Variants in CORO7 observed in about 807,000 individuals in gnomAD.
The protein encoded by CORO7 is coronin 7.
A neutral mutation model predicts 126.6 loss-of-function variants in CORO7; 107 were observed. The observed-to-expected ratio is 0.85, with a 90% CI of 0.72 to 0.99. The LOEUF is 0.99. Ranked by LOEUF, CORO7 falls within the 50% of genes least tolerant of loss-of-function variation. CORO7 has a pLI of 0.00. For synonymous variants in CORO7, 603 were observed against 536.8 expected (o/e 1.12, Z -1.70); for missense variants, 1,314 against 1,255.8 (o/e 1.05, Z -0.70).
intron 9 of CORO7, 88 bp downstream of exon 9, chr16:4,387,898 G>A (rs1369803188): frequency 3.3e-6 from 5 of 1,525,544 alleles, no homozygotes; most frequent in East Asian, 2.4e-5. Context: ...AGATCAGCCC[G>A]CCTCACTGAC....
intron 7 of CORO7, 57 bp from the exon 8 acceptor site, chr16:4,388,688 C>T: frequency 6.4e-7 from 1 of 1,557,634 alleles, no homozygotes; most frequent in South Asian, 1.2e-5. Context: ...GGGCGGGGCC[C>T]CCTGGAATGG....
intron 9 of CORO7, chr16:4,380,814 G>C: frequency 6.3e-6 from 9 of 1,420,550 alleles, no homozygotes; most frequent in Non-Finnish European, 7.4e-6. Flanking sequence ...TGGCGTGTCT[G>C]CCTTCTAGGC....
chr16:4,416,161 C>G (rs2056403875), intron 1 of CORO7, among the ~76,000 whole-genome samples: 1 of 152,106 alleles, frequency 6.6e-6, no homozygotes, highest in South Asian at 2.1e-4. Context: ...CCTCGCAGGC[C>G]TGGGCCCCGG....
rs1039091071 is a variant in CORO7, at chr16:4,362,916, C to T, written c.1276-178G>A. 1.1e-5 allele frequency: 8 copies of T among 711,980 alleles called. No individual in the cohort carries two copies. Among genetic ancestry groups the T allele is most frequent in the African/African-American group, 1.8e-5 (1 of 54,404 alleles). The allele number at this position is 711,980 out of a possible 1,614,324, so 44.1% of individuals were successfully genotyped here. On this transcript the variant is annotated intron_variant, in intron 14 of 27. Transcript: ENST00000251166. The surrounding 1 kb of genome is among the most constrained non-coding windows in gnomAD (Gnocchi z 5.3). Reference sequence around the variant, plus strand: ...GCATAAACGCAGACACACAGGGAAGCAGCCGAGCTTCAGACCGCGGGGACA... The same window carrying T: ...GCATAAACGCAGACACACAGGGAAGTAGCCGAGCTTCAGACCGCGGGGACA...
Position 4,360,465 on chromosome 16 carries a change from C to G in CORO7, c.2001G>C (p.Arg667=). ...TCACCTGCAGGGGCTCAGGGCCACT[C>G]CGGGGCCTGTAGACCCGCACACGCC... The part of the protein sequence containing the change: ...KDGRVRVYRP[R]SGPEPLQEGP... Residue 667 remains arginine (R), a synonymous_variant, in exon 20 of 28, where the codon CGG becomes CGC. Coordinates refer to ENST00000251166, the MANE Select transcript of CORO7 (RefSeq NM_024535.5). The G allele has an allele frequency of 6.2e-7, 1 of 1,612,558 alleles. No individual in the cohort carries two copies. The highest frequency in any genetic ancestry group is 8.5e-7 in the Non-Finnish European group (1 of 1,179,742).
chr16:4,388,176 G>T, intron 8 of CORO7, 108 bp from the exon 9 acceptor site: 1 of 1,410,990 alleles, frequency 7.1e-7, no homozygotes, highest in Non-Finnish European at 9.7e-7. Context: ...CGGGGCACCT[G>T]CCCCAGAGCA....
Position 4,412,387 on chromosome 16 carries a change from C to G in CORO7, c.201G>C (p.Lys67Asn), listed in dbSNP as rs1168588433. Residue 67 changes from lysine to asparagine, a missense_variant, in exon 3 of 28, where the codon AAG becomes AAC. Coordinates refer to ENST00000251166, the MANE Select transcript of CORO7 (RefSeq NM_024535.5). ...IVPLQGQGED[K>N]RRVAHLGCHS... ...GGCAGCCCAGGTGGGCCACGCGTCG[C>G]TTGTCCTCTCCTTGGCCTTGCAGAG... 11 of 1,614,120 alleles carry G rather than the reference C, an allele frequency of 6.8e-6. No individual in the cohort carries two copies. In the East Asian group the frequency reaches 8.9e-5, roughly 13 times the overall value.
intron 6 of CORO7, among the ~76,000 whole-genome samples, chr16:4,399,086 C>CA (rs1267025791): frequency 1.3e-5 from 2 of 152,080 alleles, no homozygotes; most frequent in Admixed American, 6.6e-5. Flanking sequence ...GGCAGTTCCT[C>CA]AAAAAATTAA....
chr16:4,394,856 C>T (rs1454744677), intron 7 of CORO7, among the ~76,000 whole-genome samples: 1 of 152,262 alleles, frequency 6.6e-6, no homozygotes, highest in African/African-American at 2.4e-5. Context: ...CAGACACAAA[C>T]CAGAACACGC....
At chr16:4,365,356 A>G in intron 10 of CORO7, 135 bp downstream of exon 10, 3 of 1,333,754 alleles carry the variant, frequency 2.2e-6, no homozygotes, top group African/African-American at 1.5e-5. Context: ...CCAGTGTTCT[A>G]GGAGAGCTAC....
intron 25 of CORO7, 113 bp downstream of exon 25, chr16:4,357,855 C>A: frequency 6.7e-7 from 1 of 1,495,606 alleles, no homozygotes; most frequent in East Asian, 2.4e-5. Flanking sequence ...CTCCACCCTC[C>A]CAAAGGCCAG....
At chr16:4,363,025 A>T in intron 14 of CORO7, 2 of 343,068 alleles carry the variant, frequency 5.8e-6, no homozygotes, top group South Asian at 1.5e-4. Flanking sequence ...AGAAGCCAGA[A>T]ATCTAGATCT....
rs1373123277 is a variant in CORO7 at position 4,355,301 on chromosome 16, C to A, written c.2757G>T (p.Val919=). Reference sequence around the variant, plus strand: ...CACTACTCACCCACTCGTCCTCGTCCACGCCTTCAAAGGAGTCCTGGGGGA... The same window carrying A: ...CACTACTCACCCACTCGTCCTCGTCAACGCCTTCAAAGGAGTCCTGGGGGA... The part of the protein sequence containing the change: ...DPLPQDSFEG[V]DEDEWD Residue 919 remains valine (V), a synonymous_variant, in exon 27 of 28, where the codon GTG becomes GTT. Coordinates refer to ENST00000251166, the MANE Select transcript of CORO7 (RefSeq NM_024535.5). 1 of 1,613,422 alleles carries A rather than the reference C, an allele frequency of 6.2e-7. No homozygotes were observed. Among genetic ancestry groups the A allele is most frequent in the African/African-American group, 1.3e-5 (1 of 74,904 alleles).
chr16:4,381,138 G>A (rs776162237), intron 9 of CORO7: 1 of 1,610,368 alleles, frequency 6.2e-7, no homozygotes, highest in East Asian at 2.2e-5. Context: ...CACAGAACCA[G>A]ATCGCCAGCC....
At chr16:4,373,090 G>C (rs541930586) in intron 9 of CORO7, among the ~76,000 whole-genome samples, 9 of 152,240 alleles carry the variant, frequency 5.9e-5, no homozygotes, top group African/African-American at 1.9e-4. Flanking sequence ...GGGCAGCAAA[G>C]TCCAGGATGG....
Position 4,407,613 on chromosome 16 carries a change from C to T in CORO7, c.375G>A (p.Glu125=), listed in dbSNP as rs1175548289. 5.0e-6 allele frequency: 8 copies of T among 1,600,786 alleles called. No individual in the cohort carries two copies. Among genetic ancestry groups the T allele is most frequent in the African/African-American group, 1.3e-5 (1 of 74,694 alleles). Residue 125 remains glutamate (E), a synonymous_variant, in exon 5 of 28, where the codon GAG becomes GAA. Transcript: ENST00000251166. ...ACTGCAGTACCTCCACTGGGAGGTCCTCGGGGCCCAGCACCACCCCGGGTG... is the reference window on the plus strand; with the variant it reads ...ACTGCAGTACCTCCACTGGGAGGTCTTCGGGGCCCAGCACCACCCCGGGTG... The part of the protein sequence containing the change: ...PSAPGVVLGP[E]DLPVEVLQFH...
chr16:4,386,906 G>C (rs2055211602), intron 9 of CORO7, among the ~76,000 whole-genome samples: 1 of 152,204 alleles, frequency 6.6e-6, no homozygotes, highest in Non-Finnish European at 1.5e-5. Flanking sequence ...CTCCCCGGAA[G>C]ATCCCGCAGC....
At chr16:4,380,715 C>A (rs1393366145) in intron 9 of CORO7, among the ~76,000 whole-genome samples, 1 of 152,248 alleles carries the variant, frequency 6.6e-6, no homozygotes, top group Admixed American at 6.5e-5. Context: ...TGGGACAGAA[C>A]CTGGGTCGGG....
At chr16:4,381,417 C>T (rs1397487181) in intron 9 of CORO7, 2 of 1,583,224 alleles carry the variant, frequency 1.3e-6, no homozygotes, top group South Asian at 2.3e-5. Context: ...GCCACAACAG[C>T]CTCCTGGCCC....
Sources: gnomAD v4.1 joint callset for allele counts (sites outside exome capture counted in the v4.1 genomes callset) on GRCh38, gnomAD v4.1.1 for gene constraint, Gnocchi (gnomAD v3.1) non-coding constraint, MANE v1.5 for transcripts, NCBI Gene and HGNC (gene_info 2026-07-23, HGNC 2026-07-21) for gene names.